Variants in FGGY observed in about 807,000 individuals in gnomAD.
FGGY encodes the protein FGGY carbohydrate kinase domain containing.
FGGY carries 72 observed loss-of-function variants against 71.3 expected under a neutral mutation model. The observed-to-expected ratio is 1.01, with a 90% CI of 0.84 to 1.23. The LOEUF (loss-of-function observed/expected upper bound fraction) is 1.23. Among genes scored for constraint, FGGY ranks in the 50% most tolerant of loss-of-function variants. FGGY has a pLI of 0.00. For synonymous variants in FGGY, 251 were observed against 250.3 expected, an observed-to-expected ratio of 1.00 and a Z score of -0.02; for missense variants, 668 against 682.3, an observed-to-expected ratio of 0.98 and a Z score of 0.23.
At chr1:59,591,509 G>A (rs564694948) in intron 8 of FGGY, among the ~76,000 whole-genome samples, 2,341 of 151,978 alleles carry the variant, frequency 0.015, 63 homozygotes, top group African/African-American at 0.054. Context: ...AGAACAAACT[G>A]GAGGCATCAC....
chr1:59,712,258 C>T (rs1176809332), intron 14 of FGGY, among the ~76,000 whole-genome samples: 1 of 152,184 alleles, frequency 6.6e-6, no homozygotes, highest in Admixed American at 6.5e-5. Context: ...TGTAGGTTCC[C>T]ATCATCTTGG....
intron 14 of FGGY, 116 bp downstream of exon 14, chr1:59,674,249 G>C (rs1168308884): frequency 1.3e-5 from 9 of 700,414 alleles, no homozygotes; most frequent in Admixed American, 2.6e-5. Flanking sequence ...GAAATGATAG[G>C]TTCCAGCCAG....
intron 5 of FGGY, among the ~76,000 whole-genome samples, chr1:59,387,148 G>T (rs1271897653): frequency 6.6e-6 from 1 of 151,936 alleles, no homozygotes; most frequent in African/African-American, 2.4e-5. Context: ...ATTATGTTGG[G>T]TTATTGATCT....
chr1:59,448,795 A>G (rs1245016822), intron 5 of FGGY, among the ~76,000 whole-genome samples: 1 of 152,202 alleles, frequency 6.6e-6, no homozygotes, highest in Non-Finnish European at 1.5e-5. Context: ...GGCCAGATAG[A>G]GCATCAAGAA....
intron 1 of FGGY, among the ~76,000 whole-genome samples, chr1:59,315,385 TC>T (rs768921516): frequency 6.6e-6 from 1 of 151,892 alleles, no homozygotes; most frequent in Non-Finnish European, 1.5e-5. Flanking sequence ...TTGCCCATCC[TC>T]CCTTCTCTTT....
chr1:59,369,490 G>A (rs559843371), intron 4 of FGGY, among the ~76,000 whole-genome samples: 7 of 152,328 alleles, frequency 4.6e-5, no homozygotes, highest in Admixed American at 3.9e-4. Context: ...GCAGGGCACA[G>A]ACAAACAAAA....
chr1:59,674,092 G>A lies in FGGY; in HGVS notation c.1471G>A (p.Val491Ile), dbSNP rs1385403744. 4 of 1,614,020 alleles carry A rather than the reference G, an allele frequency of 2.5e-6. No homozygotes were observed. The highest frequency in any genetic ancestry group is 3.4e-6 in the Non-Finnish European group (4 of 1,179,964). Residue 491 changes from valine to isoleucine, a missense_variant, in exon 14 of 16, where the codon GTT (valine) becomes ATT (isoleucine). This residue lies in a region of FGGY where 661 missense variants were observed against 661.6 expected (regional missense o/e 1.00). Coordinates refer to ENST00000303721, the MANE Select transcript of FGGY (RefSeq NM_018291.5). ...EVESVLVGAAVLGACASGDFA... is the reference protein window; with the variant it reads ...EVESVLVGAAILGACASGDFA... The stretch of plus-strand genomic sequence containing the variant: ...GGAGTCCGTTCTTGTGGGTGCTGCT[G>A]TTCTGGGTGCCTGTGCCTCAGGGGA...
chr1:59,485,598 G>A (rs780645627), intron 6 of FGGY, among the ~76,000 whole-genome samples: 1 of 151,662 alleles, frequency 6.6e-6, no homozygotes, highest in African/African-American at 2.4e-5. Context: ...TGTTGTTTTT[G>A]CTTTATTAGA....
Position 59,440,094 on chromosome 1 carries a change from CAAAAA to C in FGGY, c.555-16853_555-16849del, listed in dbSNP as rs140279518. 5.9e-3 allele frequency among the ~76,000 whole-genome samples: 747 copies of C among 125,552 alleles called. 9 individuals carry two copies. Among genetic ancestry groups the C allele is most frequent in the African/African-American group, 0.021 (722 of 34,334 alleles). 82.4% of individuals were successfully genotyped at this position (125,552 alleles called of 152,430 possible). A position where few individuals can be genotyped will look rare whatever the true frequency, so the allele number is the denominator to read the frequency against. On this transcript the variant is annotated intron_variant, in intron 5 of 15. Coordinates refer to ENST00000303721, the MANE Select transcript of FGGY (RefSeq NM_018291.5). The stretch of plus-strand genomic sequence containing the variant: ...TTGTTATAAACTGCTTTGCAAGGTT[CAAAAA>C]AAAAAAAAAAAAACGGAAATGATAC...
At chr1:59,440,411 TG>T (rs1338539674) in intron 5 of FGGY, among the ~76,000 whole-genome samples, 7 of 152,106 alleles carry the variant, frequency 4.6e-5, no homozygotes, top group African/African-American at 1.4e-4. Context: ...CTTTTGTTTG[TG>T]GGTGGCTTTG....
chr1:59,752,530 T>C (rs2098254510), intron 14 of FGGY, among the ~76,000 whole-genome samples: 1 of 152,210 alleles, frequency 6.6e-6, no homozygotes, highest in Admixed American at 6.5e-5. Flanking sequence ...AGGTACTAGA[T>C]CTTCTGCTCC....
intron 10 of FGGY, among the ~76,000 whole-genome samples, chr1:59,634,453 A>T (rs1044912682): frequency 6.6e-6 from 1 of 152,104 alleles, no homozygotes; most frequent in Non-Finnish European, 1.5e-5. Context: ...GGCAATATGG[A>T]AGCTTCTTTT....
At chr1:59,704,555 GAA>G (rs2097738133) in intron 14 of FGGY, among the ~76,000 whole-genome samples, 1 of 152,032 alleles carries the variant, frequency 6.6e-6, no homozygotes, top group South Asian at 2.1e-4. Flanking sequence ...AGTAGAGGAT[GAA>G]AAAGAGATAA....
chr1:59,389,154 G>A lies in FGGY; in HGVS notation c.554+10317G>A, dbSNP rs192011057. ...GTAGAGACAGGGTTTCACCATATTG[G>A]TTAGGCAGGTCTTGAACTCCTGACC... On this transcript the variant is annotated intron_variant, in intron 5 of 15. Coordinates refer to ENST00000303721, the MANE Select transcript of FGGY (RefSeq NM_018291.5). Among the ~76,000 whole-genome samples, 474 of 152,212 alleles carry A rather than the reference G, an allele frequency of 3.1e-3. 1 individual carries two copies. The highest frequency in any genetic ancestry group is 5.6e-3 in the Non-Finnish European group (381 of 68,004).
intron 8 of FGGY, among the ~76,000 whole-genome samples, chr1:59,563,279 C>T (rs138038118): frequency 6.6e-6 from 1 of 152,218 alleles, no homozygotes; most frequent in African/African-American, 2.4e-5. Flanking sequence ...CATTCAATAC[C>T]TAGTTTATGG....
chr1:59,528,908 G>A lies in FGGY; in HGVS notation c.799+16469G>A, dbSNP rs555066264. Among the ~76,000 whole-genome samples, 22 of 152,258 alleles carry A rather than the reference G, an allele frequency of 1.4e-4. No homozygotes were observed. The South Asian group carries it at 3.1e-3, about 22-fold the overall frequency. On this transcript the variant is annotated intron_variant, in intron 7 of 15. Transcript: ENST00000303721. Reference sequence around the variant, plus strand: ...GTATCATTATAGCTCAGCCAAATGCGTGGCCTAATAATTTGTTTCCCTTAT... The same window carrying A: ...GTATCATTATAGCTCAGCCAAATGCATGGCCTAATAATTTGTTTCCCTTAT...
chr1:59,638,191 AT>A, intron 10 of FGGY, 36 bp from the exon 11 acceptor site: 2 of 1,602,918 alleles, frequency 1.2e-6, no homozygotes, highest in Non-Finnish European at 1.7e-6. Context: ...CCCTGACCCT[AT>A]CCCCCCTTTA....
At chr1:59,328,427 A>G (rs1256126559) in intron 2 of FGGY, among the ~76,000 whole-genome samples, 1 of 152,222 alleles carries the variant, frequency 6.6e-6, no homozygotes, top group Non-Finnish European at 1.5e-5. Flanking sequence ...CCTTTACAGA[A>G]TTGAAGAGTT....
At chr1:59,518,133 C>T (rs2094716615) in intron 7 of FGGY, among the ~76,000 whole-genome samples, 1 of 152,214 alleles carries the variant, frequency 6.6e-6, no homozygotes, top group Admixed American at 6.5e-5. Context: ...ATTTCAATTG[C>T]AGAGCCAGGC....
Sources: allele counts gnomAD v4.1 joint callset (sites outside exome capture counted in the v4.1 genomes callset), GRCh38; gene constraint gnomAD v4.1.1; regional missense constraint gnomAD v4.1.1; transcripts MANE v1.5; gene names NCBI Gene and HGNC (gene_info 2026-07-23, HGNC 2026-07-21).